The following SPECC1 variants were observed in gnomAD, a reference collection of about 807,000 sequenced individuals.
SPECC1 encodes cytospin-B.
A neutral mutation model predicts 104.1 loss-of-function variants in SPECC1; 62 were observed. The ratio of observed to expected loss-of-function variants is 0.60; its 90% CI spans 0.49 to 0.74. The LOEUF is 0.74. SPECC1 is among the 30% of genes least tolerant of loss of function. The probability of loss-of-function intolerance (pLI) is 0.00; values close to 1 mark genes in which losing one functional copy is unlikely to be tolerated. For synonymous variants in SPECC1, 513 were observed against 501.6 expected, an observed-to-expected ratio of 1.02 and a Z score of -0.30; for missense variants, 1,306 against 1,310.5, an observed-to-expected ratio of 1.00 and a Z score of 0.05.
chr17:20,309,269 C>G (rs1370723507), intron 14 of SPECC1, among the ~76,000 whole-genome samples: 1 of 152,200 alleles, frequency 6.6e-6, no homozygotes, highest in Non-Finnish European at 1.5e-5. Context: ...TCAGAAGTGA[C>G]AGCAGTAATC....
At position 20,222,009 on chromosome 17, in the gene SPECC1, G is replaced by A. The variant is rs1049798687; in HGVS notation, c.1864-5404G>A. Among the ~76,000 whole-genome samples the A allele has an allele frequency of 1.4e-3, 195 of 144,406 alleles. 2 individuals carry two copies. The highest frequency in any genetic ancestry group is 4.6e-3 in the African/African-American group (180 of 39,320). The allele number at this position is 144,406 out of a possible 152,430, so 94.7% of individuals were successfully genotyped here. A position where few individuals can be genotyped will look rare whatever the true frequency, so the allele number is the denominator to read the frequency against. ...GGTGGTCAGAGAAGATACCTGATAT[G>A]ATTTCAGTTTTTTTTTTTTTTTTTA... On this transcript the variant is annotated intron_variant, in intron 4 of 14. Transcript: ENST00000395527.
At chr17:20,177,059 A>G (rs913477017) in intron 3 of SPECC1, among the ~76,000 whole-genome samples, 5 of 152,178 alleles carry the variant, frequency 3.3e-5, no homozygotes, top group African/African-American at 1.2e-4. Context: ...GGACATTGGG[A>G]AAAGTTTGAT....
chr17:20,189,632 C>T (rs1364237173), intron 3 of SPECC1, among the ~76,000 whole-genome samples: 1 of 152,162 alleles, frequency 6.6e-6, no homozygotes. Flanking sequence ...ACTGTGTCCT[C>T]TCCAGGCCTG....
chr17:20,055,126 C>A (rs986331267), intron 1 of SPECC1, among the ~76,000 whole-genome samples: 1 of 152,158 alleles, frequency 6.6e-6, no homozygotes. Context: ...CCATTGTACT[C>A]TTTGATTCTA....
intron 13 of SPECC1, among the ~76,000 whole-genome samples, chr17:20,298,948 A>AGAGTGTGTGTGTGT: frequency 1.3e-3 from 64 of 49,068 alleles, no homozygotes; most frequent in African/African-American, 5.6e-3. Flanking sequence ...AGAGAGAGAG[A>AGAGTGTGTGTGTGT]GTGTGTGTGT....
chr17:20,151,980 CTCT>C (rs531478258), intron 3 of SPECC1, among the ~76,000 whole-genome samples: 3 of 151,112 alleles, frequency 2.0e-5, no homozygotes, highest in Non-Finnish European at 4.4e-5. Flanking sequence ...ACCCGGGAGG[CTCT>C]TGTCTTTGAC....
chr17:20,168,267 A>G (rs190230789), intron 3 of SPECC1, among the ~76,000 whole-genome samples: 1 of 152,222 alleles, frequency 6.6e-6, no homozygotes, highest in Non-Finnish European at 1.5e-5. Context: ...AAAAAACATT[A>G]CACCATTGGC....
At chr17:20,237,284 T>G (rs907269098) in intron 7 of SPECC1, 65 of 1,086,804 alleles carry the variant, frequency 6.0e-5, no homozygotes, top group Admixed American at 3.4e-4. Context: ...TCTTTTGTTT[T>G]TTGTTGTTGT....
At chr17:20,102,713 GATGTTCT>G (rs2048000284) in intron 2 of SPECC1, among the ~76,000 whole-genome samples, 1 of 152,132 alleles carries the variant, frequency 6.6e-6, no homozygotes, top group Non-Finnish European at 1.5e-5. Flanking sequence ...TGACTTGCTT[GATGTTCT>G]ATTGTACTCT....
At chr17:20,300,241 C>G (rs1034602197) in intron 13 of SPECC1, among the ~76,000 whole-genome samples, 1 of 152,160 alleles carries the variant, frequency 6.6e-6, no homozygotes, top group Non-Finnish European at 1.5e-5. Flanking sequence ...GAGGACACAG[C>G]AAAGGGGACC....
In SPECC1 at chr17:20,083,008, TCATC is replaced by T. The variant is rs778551737; in HGVS notation, c.-21-13618_-21-13615del. Among the ~76,000 whole-genome samples, 479 of 151,730 alleles carry T rather than the reference TCATC, an allele frequency of 3.2e-3. 2 individuals are homozygous for T. Among genetic ancestry groups the T allele is most frequent in the African/African-American group, 7.1e-3 (293 of 41,302 alleles). On this transcript the variant is annotated intron_variant, in intron 1 of 14. Transcript: ENST00000395527. ...TTCGTTCGTTCGTTCGTTCGTTCAT[TCATC>T]CATCTAAAAATAGTACTAAGAGACA...
intron 12 of SPECC1, among the ~76,000 whole-genome samples, chr17:20,289,489 G>A (rs947398976): frequency 6.6e-6 from 1 of 152,186 alleles, no homozygotes; most frequent in Non-Finnish European, 1.5e-5. Flanking sequence ...TTTTAGTAGA[G>A]ATGGGGTTTC....
At position 20,231,806 on chromosome 17, in the gene SPECC1, T is replaced by G. The variant is rs1475402598; in HGVS notation, c.2120T>G (p.Leu707Arg). The change falls in exon 6 of 15, where the codon CTG (leucine) becomes CGG (arginine). Residue 707 changes from leucine to arginine, a missense_variant. Physicochemically the swap from Leu to Arg is moderately radical, Grantham distance 102 (BLOSUM62 -2). Around this residue, in one of 2 missense-constraint regions of SPECC1, gnomAD observed 1,177 missense variants for 1,139.9 expected, o/e 1.03. Coordinates refer to ENST00000395527, the MANE Select transcript of SPECC1 (RefSeq NM_001243439.2). ...EEQKSDLERQ[L>R]KTLTKQMKEE... ...CAGAAGTCAGACCTGGAGAGGCAGC[T>G]GAAGACTCTGACCAAGCAGATGAAG... 6.2e-7 allele frequency: 1 copy of G among 1,614,080 alleles called. No homozygotes were observed. The highest frequency in any genetic ancestry group is 1.1e-5 in the South Asian group (1 of 91,084).
intron 3 of SPECC1, among the ~76,000 whole-genome samples, chr17:20,144,522 T>C (rs1430801050): frequency 6.6e-6 from 1 of 152,144 alleles, no homozygotes; most frequent in Non-Finnish European, 1.5e-5. Context: ...TTGGTACCCC[T>C]AGACTTGTTG....
intron 4 of SPECC1, among the ~76,000 whole-genome samples, chr17:20,214,005 C>A (rs2037327161): frequency 6.6e-6 from 1 of 152,122 alleles, no homozygotes; most frequent in South Asian, 2.1e-4. Flanking sequence ...TTTTTATCAC[C>A]CCGTAAAAAA....
intron 3 of SPECC1, among the ~76,000 whole-genome samples, chr17:20,191,602 C>T (rs1405047092): frequency 6.6e-6 from 1 of 151,160 alleles, no homozygotes; most frequent in East Asian, 2.0e-4. Flanking sequence ...CCATCATCAA[C>T]CTGTCATCTA....
rs770294832 is a variant in SPECC1 at position 20,205,713 on chromosome 17, A to G, written c.1664A>G (p.Lys555Arg). The G allele has an allele frequency of 1.6e-5, 26 of 1,614,098 alleles. No homozygotes were observed. In the South Asian group the frequency reaches 2.9e-4, roughly 18 times the overall value. Residue 555 changes from lysine to arginine, a missense_variant, in exon 4 of 15, where the codon AAG becomes AGG. Physicochemically the swap from Lys to Arg is conservative, Grantham distance 26. Transcript: ENST00000395527. ...EGLKMENGSL[K>R]SHLQGEKQKA... ...CTAAAAATGGAGAATGGATCTTTGA[A>G]GTCTCATTTGCAGGGTGAGAAGCAG...
rs1472825740 is a variant in SPECC1 at position 20,201,020 on chromosome 17, A to G, written c.284-3313A>G. On this transcript the variant is annotated intron_variant, in intron 3 of 14. Coordinates refer to ENST00000395527, the MANE Select transcript of SPECC1 (RefSeq NM_001243439.2). The stretch of plus-strand genomic sequence containing the variant: ...TTTAAAAATTCCTAGTAGTATAGAT[A>G]AGGCAGAAGTAACACTTATGGGGAG... 2.6e-5 allele frequency among the ~76,000 whole-genome samples: 4 copies of G among 152,194 alleles called. No homozygotes were observed. The East Asian group carries it at 5.8e-4, about 22-fold the overall frequency.
chr17:20,103,425 A>T (rs1451716640), intron 2 of SPECC1, among the ~76,000 whole-genome samples: 1 of 152,140 alleles, frequency 6.6e-6, no homozygotes, highest in Non-Finnish European at 1.5e-5. Flanking sequence ...CTCCTGATTC[A>T]CTTTGACATT....
Sources: gnomAD v4.1 joint callset for allele counts (sites outside exome capture counted in the v4.1 genomes callset) on GRCh38, gnomAD v4.1.1 for gene constraint, gnomAD v4.1.1 regional missense constraint, MANE v1.5 for transcripts, NCBI Gene and HGNC (gene_info 2026-07-23, HGNC 2026-07-21) for gene names.